Variants in DNMBP observed in about 807,000 individuals in gnomAD.
The protein encoded by DNMBP is dynamin binding protein.
Under a neutral mutation model 150.0 loss-of-function variants are expected in DNMBP, and 87 were observed. The ratio of observed to expected loss-of-function variants is 0.58; its 90% CI spans 0.49 to 0.69. The LOEUF is 0.69. Among genes scored for constraint, DNMBP ranks in the 30% least tolerant of loss-of-function variants. The pLI is 0.00. For synonymous variants in DNMBP, 711 were observed against 750.4 expected (o/e 0.95, Z 0.86); for missense variants, 1,774 against 1,949.0 (o/e 0.91, Z 1.69).
intron 4 of DNMBP, among the ~76,000 whole-genome samples, chr10:99,950,883 G>C (rs1232797959): frequency 6.6e-6 from 1 of 152,232 alleles, no homozygotes; most frequent in Non-Finnish European, 1.5e-5. Flanking sequence ...ACCAGCTGCA[G>C]AAATTTGCGT....
rs946620256 is a variant in DNMBP at position 99,928,267 on chromosome 10, T to C, written c.2261-19121A>G. ...TAAACCACCGGCCATCCCAGGACCA[T>C]AGCAGGCTTATCTTTTCAGTCTGTG... On this transcript the variant is annotated intron_variant, in intron 4 of 16. Transcript: ENST00000324109. 3.9e-5 allele frequency: 6 copies of C among 152,306 alleles called. No homozygotes were observed. In the East Asian group the frequency reaches 7.7e-4, roughly 20 times the overall value. The allele number at this position is 152,306 out of a possible 1,614,324, so 9.4% of individuals were successfully genotyped here. A position where few individuals can be genotyped will look rare whatever the true frequency, so the allele number is the denominator to read the frequency against.
chr10:99,945,070 T>C (rs2040341987), intron 4 of DNMBP, among the ~76,000 whole-genome samples: 1 of 152,168 alleles, frequency 6.6e-6, no homozygotes, highest in South Asian at 2.1e-4. Flanking sequence ...AGCCTTGAAA[T>C]TGGTTTAAGT....
At chr10:99,898,996 C>T (rs2039700319) in intron 7 of DNMBP, among the ~76,000 whole-genome samples, 1 of 151,658 alleles carries the variant, frequency 6.6e-6, no homozygotes, top group Non-Finnish European at 1.5e-5. Context: ...AGTTCAAGAC[C>T]TGCCTGGCCA....
intron 3 of DNMBP, among the ~76,000 whole-genome samples, chr10:99,968,435 C>T (rs2133350211): frequency 1.3e-5 from 2 of 152,080 alleles, no homozygotes; most frequent in African/African-American, 4.8e-5. Context: ...GCCTGTAATC[C>T]CAGCACTTTG....
At chr10:99,928,016 T>C (rs530905963) in intron 4 of DNMBP, 1 of 152,294 alleles carries the variant, frequency 6.6e-6, no homozygotes, top group African/African-American at 2.4e-5. Context: ...ATCAGACTTT[T>C]TTCTTTTTTA....
At chr10:99,983,285 A>C (rs1292872940) in intron 1 of DNMBP, among the ~76,000 whole-genome samples, 1 of 152,230 alleles carries the variant, frequency 6.6e-6, no homozygotes, top group Admixed American at 6.5e-5. Context: ...AAGCAACTGC[A>C]CATTTCTCTT....
intron 4 of DNMBP, among the ~76,000 whole-genome samples, chr10:99,933,316 T>C (rs2040181876): frequency 6.6e-6 from 1 of 151,510 alleles, no homozygotes; most frequent in Non-Finnish European, 1.5e-5. Context: ...AATAATCAAA[T>C]GAATTTTAAA....
chr10:99,972,562 T>C (rs2040689459), intron 1 of DNMBP, among the ~76,000 whole-genome samples: 1 of 150,510 alleles, frequency 6.6e-6, no homozygotes, highest in Non-Finnish European at 1.5e-5. Flanking sequence ...TGCTCCACTG[T>C]ACCTGGCCTC....
chr10:99,930,047 C>T (rs1210382977), intron 4 of DNMBP: 1 of 702,858 alleles, frequency 1.4e-6, no homozygotes, highest in African/African-American at 1.7e-5. Flanking sequence ...GATGAACATT[C>T]CTGTCCCCTT....
intron 1 of DNMBP, among the ~76,000 whole-genome samples, chr10:99,996,485 A>G (rs548265018): frequency 9.2e-5 from 14 of 152,362 alleles, no homozygotes; most frequent in Admixed American, 7.8e-4. Flanking sequence ...GCACCACTGC[A>G]ATCCAGCCTG....
At chr10:99,907,653 C>T (rs2133243309) in intron 6 of DNMBP, among the ~76,000 whole-genome samples, 1 of 152,258 alleles carries the variant, frequency 6.6e-6, no homozygotes, top group East Asian at 1.9e-4. Flanking sequence ...GCCATGGCCT[C>T]CCAAAGTGCT....
intron 1 of DNMBP, among the ~76,000 whole-genome samples, chr10:99,973,206 C>T (rs1436227017): frequency 6.6e-6 from 1 of 152,150 alleles, no homozygotes; most frequent in Non-Finnish European, 1.5e-5. Flanking sequence ...GTTGGGATTC[C>T]AGGCATGAGC....
chr10:100,002,037 C>T (rs74888731), intron 1 of DNMBP, among the ~76,000 whole-genome samples: 1,877 of 152,176 alleles, frequency 0.012, 37 homozygotes, highest in African/African-American at 0.042. Context: ...AGTTTTCTAT[C>T]GATTTTTCCC....
chr10:99,982,375 T>A (rs751519647), intron 1 of DNMBP, among the ~76,000 whole-genome samples: 2 of 151,874 alleles, frequency 1.3e-5, no homozygotes, highest in Non-Finnish European at 2.9e-5. Flanking sequence ...GCCCAGGAAG[T>A]GGAGGCTGCA....
At chr10:100,005,102 G>C (rs1392131427) in intron 1 of DNMBP, among the ~76,000 whole-genome samples, 1 of 152,174 alleles carries the variant, frequency 6.6e-6, no homozygotes, top group Non-Finnish European at 1.5e-5. Flanking sequence ...GCTGGAAAGA[G>C]GCGAGTGCTG....
At chr10:99,924,327 C>T (rs1355182143) in intron 4 of DNMBP, among the ~76,000 whole-genome samples, 2 of 152,078 alleles carry the variant, frequency 1.3e-5, no homozygotes, top group Non-Finnish European at 2.9e-5. Flanking sequence ...CCTGTAGTCC[C>T]AGCTACTCGG....
At chr10:99,984,689 T>G (rs2040812428) in intron 1 of DNMBP, among the ~76,000 whole-genome samples, 1 of 152,242 alleles carries the variant, frequency 6.6e-6, no homozygotes, top group African/African-American at 2.4e-5. Context: ...CTTGTGTTTC[T>G]GCTACAGAAG....
chr10:99,887,524 C>G (rs1300491031), intron 12 of DNMBP, among the ~76,000 whole-genome samples: 2 of 151,974 alleles, frequency 1.3e-5, no homozygotes, highest in Non-Finnish European at 2.9e-5. Context: ...GAGACTCCAT[C>G]TCAAAACAAA....
At chr10:99,892,445 T>C (rs1001310245) in intron 11 of DNMBP, among the ~76,000 whole-genome samples, 45 of 133,546 alleles carry the variant, frequency 3.4e-4, no homozygotes, top group African/African-American at 1.3e-3. Flanking sequence ...ATCCTGTTGA[T>C]CTGTGACCTT....
Sources: gnomAD v4.1 joint callset for allele counts (sites outside exome capture counted in the v4.1 genomes callset) on GRCh38, gnomAD v4.1.1 for gene constraint, MANE v1.5 for transcripts, NCBI Gene and HGNC (gene_info 2026-07-23, HGNC 2026-07-21) for gene names.